Variants in ZSCAN9 observed in about 807,000 individuals in gnomAD.
ZSCAN9 encodes zinc finger and SCAN domain containing 9.
In ZSCAN9, 19 loss-of-function variants were observed where a neutral mutation model predicts 23.0. That is an observed-to-expected ratio of 0.83 (90% CI 0.58 to 1.21). The LOEUF (loss-of-function observed/expected upper bound fraction) is 1.21. Ranked by LOEUF, ZSCAN9 falls within the 50% of genes most tolerant of loss-of-function variation. The pLI is 0.00. For synonymous variants in ZSCAN9, 155 were observed against 164.8 expected, an observed-to-expected ratio of 0.94 and a Z score of 0.46; for missense variants, 467 against 471.5, an observed-to-expected ratio of 0.99 and a Z score of 0.09.
rs780556922 is a variant in ZSCAN9 at position 28,227,842 on chromosome 6, G to C, written c.568+5G>C. 1 of 1,613,284 alleles carries C rather than the reference G, an allele frequency of 6.2e-7. No homozygotes were observed. The highest frequency in any genetic ancestry group is 1.1e-5 in the South Asian group (1 of 91,020). On this transcript the variant is annotated splice_donor_5th_base_variant and intron_variant, in intron 3 of 3. Coordinates refer to ENST00000252207, the MANE Select transcript of ZSCAN9 (RefSeq NM_006299.5). ...GCCATTCTATTGGAGAGACAGGTGA[G>C]GGACAGCATTTATTTGATGTTGAAC...
At chr6:28,225,937 T>G (rs1760103001) in intron 1 of ZSCAN9, among the ~76,000 whole-genome samples, 1 of 152,256 alleles carries the variant, frequency 6.6e-6, no homozygotes, top group Admixed American at 6.5e-5. Context: ...CAAGCTGGAA[T>G]TCAGCTGCTG....
Position 28,229,532 on chromosome 6 carries a change from G to A in ZSCAN9, c.568+1695G>A, listed in dbSNP as rs578066784. On this transcript the variant is annotated intron_variant, in intron 3 of 3. Transcript: ENST00000252207. ...ATCTGGAGACTGGAGTGTTCTCCTTGTAGGATATCAGCGCAGGTATGTGTT... is the reference window on the plus strand; with the variant it reads ...ATCTGGAGACTGGAGTGTTCTCCTTATAGGATATCAGCGCAGGTATGTGTT... Among the ~76,000 whole-genome samples, 8 of 152,258 alleles carry A rather than the reference G, an allele frequency of 5.3e-5. No homozygotes were observed. In the East Asian group the frequency reaches 1.5e-3, roughly 29 times the overall value.
chr6:28,232,047 G>T (rs1289885366), intron 3 of ZSCAN9, among the ~76,000 whole-genome samples: 6 of 152,106 alleles, frequency 3.9e-5, no homozygotes, highest in Non-Finnish European at 5.9e-5. Context: ...AAAAGGTACT[G>T]CCAGCTGGGT....
Position 28,232,739 on chromosome 6 carries a change from T to C in ZSCAN9, c.746T>C (p.Leu249Ser). 1 of 1,614,064 alleles carries C rather than the reference T, an allele frequency of 6.2e-7. No homozygotes were observed. Among genetic ancestry groups the C allele is most frequent in the African/African-American group, 1.3e-5 (1 of 74,980 alleles). Residue 249 changes from leucine (L) to serine (S), a missense_variant, in exon 4 of 4, where the codon TTA becomes TCA. Transcript: ENST00000252207. ...ATAGAGAGGCAGTGGGGAAACCTCTTAGGAGAGGGGCAACACAAATGTGAT... is the reference window on the plus strand; with the variant it reads ...ATAGAGAGGCAGTGGGGAAACCTCTCAGGAGAGGGGCAACACAAATGTGAT... ...DRIERQWGNL[L>S]GEGQHKCDEC...
intron 1 of ZSCAN9, among the ~76,000 whole-genome samples, chr6:28,226,108 C>T (rs1182539486): frequency 6.6e-6 from 1 of 152,204 alleles, no homozygotes; most frequent in Non-Finnish European, 1.5e-5. Context: ...ACTTAACTTT[C>T]CCTGGCTTCC....
chr6:28,233,326 T>A lies in ZSCAN9; in HGVS notation c.*148T>A. On this transcript the variant is annotated 3_prime_UTR_variant, in exon 4 of 4. Coordinates refer to ENST00000252207, the MANE Select transcript of ZSCAN9 (RefSeq NM_006299.5). ...CCCAGGGACTTCCTTAAAGGAAAGTTGGGTGTTTGAAGCTACTGTTTTCTC... is the reference window on the plus strand; with the variant it reads ...CCCAGGGACTTCCTTAAAGGAAAGTAGGGTGTTTGAAGCTACTGTTTTCTC... 5.7e-6 allele frequency: 8 copies of A among 1,411,788 alleles called. No individual in the cohort carries two copies. In the South Asian group the frequency reaches 1.2e-4, roughly 22 times the overall value. The allele number at this position is 1,411,788 out of a possible 1,614,324, so 87.5% of individuals were successfully genotyped here.
chr6:28,232,684 C>T lies in ZSCAN9; in HGVS notation c.691C>T (p.His231Tyr). The stretch of plus-strand genomic sequence containing the variant: ...GGAGGTATCACAGCAGGATCCCTCA[C>T]ATGGAGAAGTTGGTGAACATAAGGA... ...TWEVSQQDPS[H>Y]GEVGEHKDRI... Residue 231 changes from histidine to tyrosine, a missense_variant, in exon 4 of 4, where the codon CAT becomes TAT. His to Tyr is a moderately conservative substitution (Grantham distance 83). Coordinates refer to ENST00000252207, the MANE Select transcript of ZSCAN9 (RefSeq NM_006299.5). 6.2e-7 allele frequency: 1 copy of T among 1,614,116 alleles called. No individual in the cohort carries two copies. Among genetic ancestry groups the T allele is most frequent in the Non-Finnish European group, 8.5e-7 (1 of 1,180,034 alleles).
At chr6:28,228,073 A>G in intron 3 of ZSCAN9, 2 of 692,874 alleles carry the variant, frequency 2.9e-6, no homozygotes, top group Non-Finnish European at 5.2e-6. Context: ...TACATGAGGA[A>G]GGCTTTCAGG....
intron 3 of ZSCAN9, 170 bp downstream of exon 3, chr6:28,228,007 G>C (rs757318916): frequency 1.2e-6 from 1 of 820,442 alleles, no homozygotes; most frequent in Non-Finnish European, 2.0e-6. Flanking sequence ...TTCTCCCTGC[G>C]TGCAGACTTC....
chr6:28,228,187 T>C, intron 3 of ZSCAN9: 1 of 615,696 alleles, frequency 1.6e-6, no homozygotes, highest in Non-Finnish European at 2.9e-6. Flanking sequence ...GGCAGATTAC[T>C]TAACCACTTG....
rs1760383129 is a variant in ZSCAN9, at chr6:28,233,414, TA to T, written c.*237del. 1 of 546,232 alleles carries T rather than the reference TA, an allele frequency of 1.8e-6. No individual in the cohort carries two copies. The highest frequency in any genetic ancestry group is 2.8e-6 in the Non-Finnish European group (1 of 354,172). The allele number at this position is 546,232 out of a possible 1,614,324, so 33.8% of individuals were successfully genotyped here. Reference sequence around the variant, plus strand: ...GTGTCCCTCTTATTTATAATTTATTTATTTTTTTGAGATGGCTGCTAAACCC... The same window carrying T: ...GTGTCCCTCTTATTTATAATTTATTTTTTTTTTGAGATGGCTGCTAAACCC... On this transcript the variant is annotated 3_prime_UTR_variant, in exon 4 of 4. Coordinates refer to ENST00000252207, the MANE Select transcript of ZSCAN9 (RefSeq NM_006299.5).
chr6:28,230,440 CTAAAAGGAGG>C, intron 3 of ZSCAN9: 2 of 1,536,058 alleles, frequency 1.3e-6, no homozygotes, highest in Non-Finnish European at 1.7e-6. Context: ...GATCCCCCAG[CTAAAAGGAGG>C]AGGAGAAACA....
intron 2 of ZSCAN9, 86 bp downstream of exon 2, chr6:28,227,590 T>C (rs1760158048): frequency 3.2e-6 from 5 of 1,568,228 alleles, no homozygotes; most frequent in Non-Finnish European, 4.3e-6. Context: ...TCCTTGACAT[T>C]GGTGATAAAA....
chr6:28,227,995 C>CCTTCTCCCTGCGTGCAGA (rs1214099905), intron 3 of ZSCAN9, 158 bp downstream of exon 3: 2 of 902,716 alleles, frequency 2.2e-6, no homozygotes, highest in East Asian at 5.3e-5. Context: ...CATCTTTGAC[C>CCTTCTCCCTGCGTGCAGA]CTTCTCCCTG....
At chr6:28,226,793 T>TAA in intron 1 of ZSCAN9, 3 of 189,904 alleles carry the variant, frequency 1.6e-5, no homozygotes, top group South Asian at 1.2e-4. Context: ...ATTCCCCATT[T>TAA]AAAAAAAAAA....
chr6:28,227,020 C>T lies in ZSCAN9; in HGVS notation c.-65C>T. The stretch of plus-strand genomic sequence containing the variant: ...TTATTTTTACTGCTTAGGCAAGCGC[C>T]TCCAAGGTTTGTCTTGAAGCATAGC... On this transcript the variant is annotated 5_prime_UTR_variant, in exon 2 of 4. Coordinates refer to ENST00000252207, the MANE Select transcript of ZSCAN9 (RefSeq NM_006299.5). 1 of 1,484,216 alleles carries T rather than the reference C, an allele frequency of 6.7e-7. No homozygotes were observed. Among genetic ancestry groups the T allele is most frequent in the Non-Finnish European group, 9.1e-7 (1 of 1,097,636 alleles). The allele number at this position is 1,484,216 out of a possible 1,614,324, so 91.9% of individuals were successfully genotyped here. A position where few individuals can be genotyped will look rare whatever the true frequency, so the allele number is the denominator to read the frequency against.
intron 1 of ZSCAN9, among the ~76,000 whole-genome samples, chr6:28,225,817 A>G (rs757191019): frequency 6.6e-6 from 1 of 152,218 alleles, no homozygotes; most frequent in African/African-American, 2.4e-5. Flanking sequence ...CTCAAACCTT[A>G]TAATACATAC....
chr6:28,233,001 GC>G lies in ZSCAN9; in HGVS notation c.1010del (p.Pro337ArgfsTer63), dbSNP rs752780894. 6 of 1,614,196 alleles carry G rather than the reference GC, an allele frequency of 3.7e-6. No homozygotes were observed. The Admixed American group carries it at 5.0e-5, about 13-fold the overall frequency. ...QHQRIHKGEK[P>X]YQCSQCSKSY... ...ATCAGAGAATCCACAAAGGAGAAAA[GC>G]CGTATCAGTGCAGCCAGTGCAGTAA... On this transcript the variant is annotated frameshift_variant, in exon 4 of 4. Coordinates refer to ENST00000252207, the MANE Select transcript of ZSCAN9 (RefSeq NM_006299.5). LOFTEE classifies it low-confidence loss of function (END_TRUNC).
chr6:28,229,760 A>T (rs955348968), intron 3 of ZSCAN9, among the ~76,000 whole-genome samples: 1 of 150,988 alleles, frequency 6.6e-6, no homozygotes, highest in Non-Finnish European at 1.5e-5. Flanking sequence ...TCCAAATCCT[A>T]CTCCCTAGAG....
Sources: gnomAD v4.1 joint callset for allele counts (sites outside exome capture counted in the v4.1 genomes callset) on GRCh38, gnomAD v4.1.1 for gene constraint, MANE v1.5 for transcripts, NCBI Gene and HGNC (gene_info 2026-07-23, HGNC 2026-07-21) for gene names.